MILR1: variants seen among roughly 807,000 people sequenced by gnomAD.
MILR1 encodes the protein allergin-1.
A neutral mutation model predicts 18.5 loss-of-function variants in MILR1; 31 were observed. The ratio of observed to expected loss-of-function variants is 1.68; its 90% confidence interval spans 1.26 to 2.26. The LOEUF is 2.26. MILR1 is among the 30% of genes most tolerant of loss of function. The probability of loss-of-function intolerance (pLI) is 0.00; values close to 1 mark genes in which losing one functional copy is unlikely to be tolerated. For missense variants in MILR1, 257 were observed against 157.4 expected (o/e 1.63, Z -3.38); for synonymous variants, 85 against 56.2 (o/e 1.51, Z -2.30).
In MILR1 at chr17:64,466,680, A is replaced by T; in HGVS notation, c.979+18A>T. On this transcript the variant is annotated intron_variant, in intron 8 of 9. Transcript: ENST00000619286. ...AGAGCAAGGTGAGCCACAGGTTGGG[A>T]TAAGAGGTACTGGTGAAATGAGACA... 6.3e-7 allele frequency: 1 copy of T among 1,591,846 alleles called. No individual in the cohort carries two copies. Among genetic ancestry groups the T allele is most frequent in the Non-Finnish European group, 8.6e-7 (1 of 1,168,214 alleles).
chr17:64,475,141 G>A, the MILR1 span, among the ~76,000 whole-genome samples: 3 of 148,008 alleles, frequency 2.0e-5, no homozygotes, highest in Non-Finnish European at 4.4e-5. Flanking sequence ...GGCCAAGATC[G>A]CACCACTGCA....
At chr17:64,449,963 G>A (rs1352654348) in intron 2 of MILR1, among the ~76,000 whole-genome samples, 2 of 140,664 alleles carry the variant, frequency 1.4e-5, no homozygotes, top group Non-Finnish European at 3.0e-5. Context: ...TTTTTGAGAT[G>A]GAGTCTCAGT....
At chr17:64,492,907 T>C in the MILR1 span, 1 of 1,614,020 alleles carries the variant, frequency 6.2e-7, no homozygotes, top group Non-Finnish European at 8.5e-7. Context: ...TTTAACACCA[T>C]TTCGTATCTG....
chr17:64,493,552 T>C, the MILR1 span, among the ~76,000 whole-genome samples: 1 of 152,262 alleles, frequency 6.6e-6, no homozygotes, highest in Admixed American at 6.5e-5. Context: ...TGGCAGGGTC[T>C]CGGCTCATTG....
chr17:64,460,667 G>A (rs2037411077), intron 4 of MILR1, among the ~76,000 whole-genome samples, 155 bp from the exon 5 acceptor site: 1 of 152,100 alleles, frequency 6.6e-6, no homozygotes, highest in Non-Finnish European at 1.5e-5. Flanking sequence ...TGACTAATAA[G>A]TCCCGTGAGT....
At chr17:64,493,263 C>T in the MILR1 span, among the ~76,000 whole-genome samples, 2 of 151,948 alleles carry the variant, frequency 1.3e-5, no homozygotes, top group African/African-American at 2.4e-5. Context: ...TAAAAATATA[C>T]AAAAATAAGC....
At chr17:64,454,742 C>T (rs1352614430) in intron 3 of MILR1, among the ~76,000 whole-genome samples, 7 of 152,134 alleles carry the variant, frequency 4.6e-5, no homozygotes, top group Non-Finnish European at 8.8e-5. Flanking sequence ...AGGTGTAATC[C>T]CAGCACTTTG....
the MILR1 span, chr17:64,485,853 T>G: frequency 6.2e-7 from 1 of 1,614,154 alleles, no homozygotes; most frequent in East Asian, 2.2e-5. Flanking sequence ...ACCACATTTT[T>G]TCGTCCATCT....
chr17:64,473,976 A>AAT, the MILR1 span, among the ~76,000 whole-genome samples: 3 of 152,262 alleles, frequency 2.0e-5, no homozygotes, highest in Non-Finnish European at 4.4e-5. Flanking sequence ...GTATCTTAAT[A>AAT]AAACTGATTA....
the MILR1 span, among the ~76,000 whole-genome samples, chr17:64,487,654 A>G: frequency 5.3e-5 from 8 of 151,646 alleles, no homozygotes; most frequent in South Asian, 2.1e-4. Flanking sequence ...TCAAGTACTG[A>G]AAGATTCTGT....
intron 2 of MILR1, among the ~76,000 whole-genome samples, chr17:64,451,402 A>T (rs1431855961): frequency 6.6e-6 from 1 of 151,822 alleles, no homozygotes; most frequent in African/African-American, 2.4e-5. Context: ...CAGCCTCCCA[A>T]ATTGCTGGGA....
chr17:64,469,952 A>G (rs924904063), downstream of MILR1, among the ~76,000 whole-genome samples: 8 of 152,184 alleles, frequency 5.3e-5, no homozygotes, highest in African/African-American at 1.7e-4. Flanking sequence ...TAGTGAAGCA[A>G]ATAGAATGGT....
chr17:64,489,028 CTTTT>C, the MILR1 span, among the ~76,000 whole-genome samples: 3 of 136,468 alleles, frequency 2.2e-5, no homozygotes, highest in Non-Finnish European at 4.8e-5. Flanking sequence ...TTTTCTTTTT[CTTTT>C]TTTTTTTTTT....
chr17:64,496,413 G>A, the MILR1 span: 3 of 1,571,686 alleles, frequency 1.9e-6, no homozygotes, highest in Non-Finnish European at 2.6e-6. Flanking sequence ...ATACCGTGAA[G>A]AAGGTTCTCC....
the MILR1 span, among the ~76,000 whole-genome samples, chr17:64,488,837 G>A: frequency 1.6e-4 from 24 of 152,052 alleles, no homozygotes; most frequent in African/African-American, 2.4e-4. Context: ...GCGTGGTGGC[G>A]CACACCTATA....
At chr17:64,495,251 G>A in the MILR1 span, among the ~76,000 whole-genome samples, 2 of 151,050 alleles carry the variant, frequency 1.3e-5, no homozygotes, top group Admixed American at 1.3e-4. Flanking sequence ...TTGCTTCTAG[G>A]AACTTTAAAC....
chr17:64,455,611 G>T (rs1163975467), intron 3 of MILR1, among the ~76,000 whole-genome samples: 1 of 125,268 alleles, frequency 8.0e-6, no homozygotes, highest in Non-Finnish European at 1.7e-5. Context: ...CTGCCACCAC[G>T]CCTGGCTAAT....
chr17:64,472,615 C>A (rs1479208526), downstream of MILR1, among the ~76,000 whole-genome samples: 1 of 150,200 alleles, frequency 6.7e-6, no homozygotes, highest in Non-Finnish European at 1.5e-5. Flanking sequence ...TGTACCTTTT[C>A]TATGTTTAGA....
At chr17:64,495,339 G>T in the MILR1 span, among the ~76,000 whole-genome samples, 1 of 152,128 alleles carries the variant, frequency 6.6e-6, no homozygotes, top group African/African-American at 2.4e-5. Flanking sequence ...CAGCACTTTG[G>T]GGGGCCAAGA....
Sources: gnomAD v4.1 joint callset for allele counts (sites outside exome capture counted in the v4.1 genomes callset) on GRCh38, gnomAD v4.1.1 for gene constraint, MANE v1.5 for transcripts, NCBI Gene and HGNC (gene_info 2026-07-23, HGNC 2026-07-21) for gene names.